The following PARD3 variants were observed in gnomAD, a reference collection of about 807,000 sequenced individuals.
PARD3 encodes par-3 family cell polarity regulator, also known as partitioning defective 3 homolog.
PARD3 carries 75 observed loss-of-function variants against 155.4 expected under a neutral mutation model. The observed-to-expected ratio is 0.48, with a 90% CI of 0.40 to 0.58. The LOEUF is 0.58. Among genes scored for constraint, PARD3 ranks in the 20% least tolerant of loss-of-function variants. The pLI is 0.00. For synonymous variants in PARD3, 576 were observed against 610.5 expected (o/e 0.94, Z 0.83); for missense variants, 1,642 against 1,721.7 (o/e 0.95, Z 0.82).
intron 2 of PARD3, among the ~76,000 whole-genome samples, chr10:34,640,123 C>T (rs1462052144): frequency 2.0e-5 from 3 of 152,152 alleles, no homozygotes; most frequent in South Asian, 2.1e-4. Context: ...AAAGAACAAG[C>T]GAGGCTACAG....
At chr10:34,524,181 T>A (rs546111984) in intron 2 of PARD3, among the ~76,000 whole-genome samples, 2 of 152,280 alleles carry the variant, frequency 1.3e-5, no homozygotes, top group African/African-American at 4.8e-5. Flanking sequence ...AATAAAGCCA[T>A]TTCCAGCAAA....
intron 2 of PARD3, among the ~76,000 whole-genome samples, chr10:34,545,882 T>C (rs1035123044): frequency 6.6e-6 from 1 of 152,152 alleles, no homozygotes; most frequent in Non-Finnish European, 1.5e-5. Context: ...AATTAAAACC[T>C]ATGTAGTTAT....
intron 2 of PARD3, among the ~76,000 whole-genome samples, chr10:34,522,886 A>G (rs1431464842): frequency 6.6e-6 from 1 of 152,246 alleles, no homozygotes; most frequent in East Asian, 1.9e-4. Flanking sequence ...ATCAAGTCAA[A>G]GATCCTATTT....
Position 34,595,514 on chromosome 10 carries a change from C to T in PARD3, c.223-78355G>A, listed in dbSNP as rs78034219. Among the ~76,000 whole-genome samples, 1,444 of 152,282 alleles carry T rather than the reference C, an allele frequency of 9.5e-3. 27 individuals carry two copies. The highest frequency in any genetic ancestry group is 0.033 in the African/African-American group (1,367 of 41,554). On this transcript the variant is annotated intron_variant, in intron 2 of 24. Transcript: ENST00000374788. ...GTTAAATTTCAAGTTGATTTCACTA[C>T]ATTTTCTTATCCTAACGAGTACCCA...
Position 34,615,485 on chromosome 10 carries a change from A to G in PARD3, c.222+80833T>C, listed in dbSNP as rs182356709. 2.5e-3 allele frequency among the ~76,000 whole-genome samples: 380 copies of G among 152,350 alleles called. 3 individuals are homozygous for G. The highest frequency in any genetic ancestry group is 8.9e-3 in the African/African-American group (372 of 41,586). On this transcript the variant is annotated intron_variant, in intron 2 of 24. Coordinates refer to ENST00000374788, the MANE Select transcript of PARD3 (RefSeq NM_001184785.2). ...TCTAATGGATTAAAGACTTAAATGT[A>G]AGGCCAAAACTCTGAAACTACTACA...
At chr10:34,376,023 C>T (rs1841197331) in intron 10 of PARD3, among the ~76,000 whole-genome samples, 1 of 151,992 alleles carries the variant, frequency 6.6e-6, no homozygotes, top group East Asian at 1.9e-4. Flanking sequence ...GGAAGCAGAA[C>T]CCTAAACATA....
At chr10:34,810,844 A>G (rs749792299) in intron 1 of PARD3, among the ~76,000 whole-genome samples, 1 of 152,174 alleles carries the variant, frequency 6.6e-6, no homozygotes, top group Non-Finnish European at 1.5e-5. Context: ...CTGCCAGGGA[A>G]TATTCCACTT....
intron 1 of PARD3, among the ~76,000 whole-genome samples, chr10:34,748,088 C>T (rs540455946): frequency 6.6e-6 from 1 of 152,272 alleles, no homozygotes; most frequent in South Asian, 2.1e-4. Context: ...GCAGAAAATG[C>T]GGGAGGAGGT....
chr10:34,375,525 A>T (rs1841140171), intron 10 of PARD3, among the ~76,000 whole-genome samples: 1 of 152,196 alleles, frequency 6.6e-6, no homozygotes, highest in Non-Finnish European at 1.5e-5. Context: ...CATTAAAGAA[A>T]CTACAAAACA....
chr10:34,745,519 G>C (rs1447410104), intron 1 of PARD3, among the ~76,000 whole-genome samples: 1 of 152,072 alleles, frequency 6.6e-6, no homozygotes, highest in Non-Finnish European at 1.5e-5. Flanking sequence ...ACGCTCTGGG[G>C]TGTCGACTGT....
At chr10:34,388,740 C>T (rs1238423198) in intron 7 of PARD3, among the ~76,000 whole-genome samples, 2 of 152,148 alleles carry the variant, frequency 1.3e-5, no homozygotes, top group East Asian at 3.9e-4. Flanking sequence ...ACCAGAATTC[C>T]TTATTGGGTC....
At chr10:34,488,733 C>A in intron 3 of PARD3, 1 of 154,254 alleles carries the variant, frequency 6.5e-6, no homozygotes, top group Non-Finnish European at 1.5e-5. Context: ...TACACTCTCC[C>A]AGCGTCTTGC....
At chr10:34,317,528 C>T (rs1958083597) in intron 19 of PARD3, among the ~76,000 whole-genome samples, 190 bp from the exon 20 acceptor site, 1 of 152,294 alleles carries the variant, frequency 6.6e-6, no homozygotes, top group African/African-American at 2.4e-5. Flanking sequence ...ATGCCTCCTA[C>T]GTGAAGATCG....
At chr10:34,618,260 T>C (rs1392675197) in intron 2 of PARD3, among the ~76,000 whole-genome samples, 2 of 152,208 alleles carry the variant, frequency 1.3e-5, no homozygotes, top group Non-Finnish European at 2.9e-5. Flanking sequence ...AATAAAAAAG[T>C]CTTTTAACCT....
intron 1 of PARD3, among the ~76,000 whole-genome samples, chr10:34,729,425 G>A (rs757428517): frequency 1.3e-5 from 2 of 151,654 alleles, no homozygotes; most frequent in Non-Finnish European, 2.9e-5. Context: ...CAGCTACTCG[G>A]GAGGCTAAGG....
chr10:34,659,428 G>C (rs2093266184), intron 2 of PARD3, among the ~76,000 whole-genome samples: 1 of 151,954 alleles, frequency 6.6e-6, no homozygotes, highest in African/African-American at 2.4e-5. Flanking sequence ...CGCCAAAACT[G>C]TTTCATTGCT....
intron 1 of PARD3, among the ~76,000 whole-genome samples, chr10:34,730,731 G>A (rs2094802049): frequency 6.6e-6 from 1 of 152,190 alleles, no homozygotes; most frequent in Non-Finnish European, 1.5e-5. Flanking sequence ...AGGCTGCAGT[G>A]AGCTATGACT....
chr10:34,500,632 C>T (rs1355418373), intron 3 of PARD3, among the ~76,000 whole-genome samples: 1 of 152,158 alleles, frequency 6.6e-6, no homozygotes, highest in East Asian at 1.9e-4. Flanking sequence ...TCCTAGCTTA[C>T]TCAGGAGGCT....
At chr10:34,703,460 GAAA>G (rs71033338) in intron 1 of PARD3, among the ~76,000 whole-genome samples, 5 of 147,140 alleles carry the variant, frequency 3.4e-5, no homozygotes, top group South Asian at 2.2e-4. Context: ...TAGGAAGTTG[GAAA>G]AAAAAAAAAG....
Sources: allele counts gnomAD v4.1 joint callset (sites outside exome capture counted in the v4.1 genomes callset), GRCh38; gene constraint gnomAD v4.1.1; transcripts MANE v1.5; gene names NCBI Gene and HGNC (gene_info 2026-07-23, HGNC 2026-07-21).